PCDHGA7: variants seen among roughly 807,000 people sequenced by gnomAD.
PCDHGA7 encodes the protein protocadherin gamma subfamily A, 7, also known as protocadherin gamma-A7.
PCDHGA7 carries 44 observed loss-of-function variants against 58.3 expected under a neutral mutation model. The observed-to-expected ratio is 0.75, with a 90% CI of 0.59 to 0.97. The LOEUF (loss-of-function observed/expected upper bound fraction) is 0.97, where lower values mean the gene tolerates loss of function less well. Ranked by LOEUF, PCDHGA7 falls within the 50% of genes least tolerant of loss-of-function variation. The probability of loss-of-function intolerance (pLI) is 0.00; values close to 1 mark genes in which losing one functional copy is unlikely to be tolerated. For missense variants in PCDHGA7, 1,266 were observed against 1,188.7 expected (o/e 1.06, Z -0.96); for synonymous variants, 516 against 504.2 (o/e 1.02, Z -0.31).
chr5:141,422,678 A>G, intron 1 of PCDHGA7: 1 of 1,606,250 alleles, frequency 6.2e-7, no homozygotes, highest in Non-Finnish European at 8.5e-7. Flanking sequence ...GACAGCAAAC[A>G]GAATGCCCTG....
chr5:141,491,071 C>A lies in PCDHGA7; in HGVS notation c.2425-3736C>A, dbSNP rs987564933. ...TGCGTGGCTCTCCTACTCACTGTTG[C>A]CACAGTCCACAGCCCCAGGACTGTT... On this transcript the variant is annotated intron_variant, in intron 1 of 3. Transcript: ENST00000518325. This position sits in a 1 kb window ranked among gnomAD's most constrained non-coding sequence, Gnocchi z 6.9. 2 of 1,614,034 alleles carry A rather than the reference C, an allele frequency of 1.2e-6. No individual in the cohort carries two copies. The highest frequency in any genetic ancestry group is 1.7e-6 in the Non-Finnish European group (2 of 1,180,036).
intron 1 of PCDHGA7, among the ~76,000 whole-genome samples, chr5:141,482,771 A>ACCTAAAATCTCAAACAC (rs1168136626): frequency 4.9e-5 from 7 of 141,414 alleles, no homozygotes; most frequent in African/African-American, 8.5e-5. Flanking sequence ...ATTATCACTG[A>ACCTAAAATCTCAAACAC]ACCTTAAACT....
At chr5:141,420,254 G>C (rs186977117) in intron 1 of PCDHGA7, 3 of 1,569,172 alleles carry the variant, frequency 1.9e-6, no homozygotes, top group Admixed American at 3.8e-5. Context: ...CGTTGAAGCA[G>C]ATAAGAAGAT....
intron 1 of PCDHGA7, chr5:141,396,593 C>T (rs940440050): frequency 6.0e-5 from 9 of 151,044 alleles, no homozygotes; most frequent in Non-Finnish European, 1.2e-4. Flanking sequence ...GCACTCCAGC[C>T]TGGGCAACAG....
At chr5:141,445,732 A>G (rs2098475548) in intron 1 of PCDHGA7, among the ~76,000 whole-genome samples, 1 of 152,230 alleles carries the variant, frequency 6.6e-6, no homozygotes, top group African/African-American at 2.4e-5. Context: ...ATGTGTAAAG[A>G]TCTTTTTAAA....
intron 1 of PCDHGA7, among the ~76,000 whole-genome samples, chr5:141,429,326 T>A (rs571458414): frequency 6.6e-6 from 1 of 152,230 alleles, no homozygotes; most frequent in East Asian, 1.9e-4. Context: ...TTTTCTTTAA[T>A]CCATTAACTA....
chr5:141,436,384 C>A lies in PCDHGA7; in HGVS notation c.2424+51061C>A, dbSNP rs1048094484. 2.6e-5 allele frequency among the ~76,000 whole-genome samples: 4 copies of A among 152,222 alleles called. 1 individual carries two copies. Among genetic ancestry groups the A allele is most frequent in the Non-Finnish European group, 4.4e-5 (3 of 67,978 alleles). On this transcript the variant is annotated intron_variant, in intron 1 of 3. Coordinates refer to ENST00000518325, the MANE Select transcript of PCDHGA7 (RefSeq NM_018920.4). The stretch of plus-strand genomic sequence containing the variant: ...ATGTTTCCAGTTTAAGCTGAATAGG[C>A]TTTATTAAATAGTTGTTGAATGAAT...
intron 2 of PCDHGA7, among the ~76,000 whole-genome samples, chr5:141,498,944 A>G (rs1249475504): frequency 7.2e-6 from 1 of 139,096 alleles, no homozygotes; most frequent in Non-Finnish European, 1.6e-5. Flanking sequence ...AAAGAAAGAA[A>G]GAAAAAGAGA....
rs979750945 is a variant in PCDHGA7 at position 141,478,807 on chromosome 5, A to G, written c.2425-16000A>G. The G allele has an allele frequency of 3.4e-6, 5 of 1,459,258 alleles. No homozygotes were observed. The African/African-American group carries it at 5.7e-5, about 17-fold the overall frequency. 90.4% of individuals were successfully genotyped at this position (1,459,258 alleles called of 1,614,324 possible). On this transcript the variant is annotated intron_variant, in intron 1 of 3. Transcript: ENST00000518325. The stretch of plus-strand genomic sequence containing the variant: ...TTCACATCCTCAGCACTCTTTTGCT[A>G]TCACAACTAACCAATCTTGCTAAGG...
rs370237298 is a variant in PCDHGA7 at position 141,487,298 on chromosome 5, G to A, written c.2425-7509G>A. ...TTGCTTTGTCTCCTTTGGCTCATTCGTGGCACTACTCTCTAAGTGTCTTCG... is the reference window on the plus strand; with the variant it reads ...TTGCTTTGTCTCCTTTGGCTCATTCATGGCACTACTCTCTAAGTGTCTTCG... On this transcript the variant is annotated intron_variant, in intron 1 of 3. Coordinates refer to ENST00000518325, the MANE Select transcript of PCDHGA7 (RefSeq NM_018920.4). The surrounding 1 kb of genome is among the most constrained non-coding windows in gnomAD (Gnocchi z 5.0). The A allele has an allele frequency of 3.2e-5, 51 of 1,614,072 alleles. 1 individual carries two copies. Among genetic ancestry groups the A allele is most frequent in the South Asian group, 5.5e-5 (5 of 91,082 alleles).
chr5:141,393,087 C>T (rs1244090890), intron 1 of PCDHGA7: 1 of 1,613,628 alleles, frequency 6.2e-7, no homozygotes, highest in African/African-American at 1.3e-5. Flanking sequence ...CAGGATAGAT[C>T]GGGAGGAGCT....
At chr5:141,423,982 T>C in intron 1 of PCDHGA7, 3 of 1,106,134 alleles carry the variant, frequency 2.7e-6, no homozygotes, top group Non-Finnish European at 3.4e-6. Flanking sequence ...TGTATGAGGC[T>C]CTCAATTTAT....
chr5:141,473,944 C>T (rs1279694347), intron 1 of PCDHGA7, among the ~76,000 whole-genome samples: 1 of 152,156 alleles, frequency 6.6e-6, no homozygotes, highest in Non-Finnish European at 1.5e-5. Context: ...TAGCTCAGGC[C>T]TGTAGTCCCA....
At chr5:141,427,450 C>A in intron 1 of PCDHGA7, 1 of 486,442 alleles carries the variant, frequency 2.1e-6, no homozygotes, top group Non-Finnish European at 4.0e-6. Context: ...GAAAGAGTTC[C>A]TTTTAGAATC....
At chr5:141,421,252 G>A in intron 1 of PCDHGA7, 1 of 1,607,158 alleles carries the variant, frequency 6.2e-7, no homozygotes, top group Non-Finnish European at 8.5e-7. Context: ...ACAGCGCGGG[G>A]ACCGCAGTCG....
At chr5:141,420,006 G>C (rs2096458103) in intron 1 of PCDHGA7, 2 of 1,613,934 alleles carry the variant, frequency 1.2e-6, no homozygotes, top group Admixed American at 3.3e-5. Flanking sequence ...CTACGCCTGC[G>C]ACAGTCTTTC....
chr5:141,423,297 C>G lies in PCDHGA7; in HGVS notation c.2424+37974C>G, dbSNP rs1322889810. 3 of 1,614,170 alleles carry G rather than the reference C, an allele frequency of 1.9e-6. 1 individual carries two copies. The South Asian group carries it at 3.3e-5, about 18-fold the overall frequency. The stretch of plus-strand genomic sequence containing the variant: ...TGGCTAACTCTGAAACCTCAGACCT[C>G]TCGCTGTACTTGGTGGTGGCGGTGG... On this transcript the variant is annotated intron_variant, in intron 1 of 3. Transcript: ENST00000518325.
At chr5:141,417,532 T>C (rs2096129143) in intron 1 of PCDHGA7, 1 of 284,726 alleles carries the variant, frequency 3.5e-6, no homozygotes, top group African/African-American at 2.2e-5. Flanking sequence ...ACTCGTAGTT[T>C]AAAAAAAATT....
intron 1 of PCDHGA7, chr5:141,478,117 C>G (rs1419172538): frequency 1.3e-5 from 21 of 1,614,058 alleles, no homozygotes; most frequent in Non-Finnish European, 1.7e-5. Context: ...TGTCAGTAAC[C>G]GAGGACTCTC....
Sources: gnomAD v4.1 joint callset for allele counts (sites outside exome capture counted in the v4.1 genomes callset) on GRCh38, gnomAD v4.1.1 for gene constraint, Gnocchi (gnomAD v3.1) non-coding constraint, MANE v1.5 for transcripts, NCBI Gene and HGNC (gene_info 2026-07-23, HGNC 2026-07-21) for gene names.